FRMD1: variants seen among roughly 807,000 people sequenced by gnomAD.
FRMD1 encodes the protein FERM domain-containing protein 1.
A neutral mutation model predicts 54.9 loss-of-function variants in FRMD1; 51 were observed. The ratio of observed to expected loss-of-function variants is 0.93; its 90% CI spans 0.74 to 1.17. The LOEUF is 1.17. Among genes scored for constraint, FRMD1 ranks in the 50% most tolerant of loss-of-function variants. The probability of loss-of-function intolerance (pLI) is 0.00; values close to 1 mark genes in which losing one functional copy is unlikely to be tolerated. For synonymous variants in FRMD1, 324 were observed against 306.4 expected, an observed-to-expected ratio of 1.06 and a Z score of -0.60; for missense variants, 729 against 743.0, an observed-to-expected ratio of 0.98 and a Z score of 0.22.
At chr6:168,090,130 G>A (rs1401267582) in intron 1 of FRMD1, among the ~76,000 whole-genome samples, 2 of 151,948 alleles carry the variant, frequency 1.3e-5, no homozygotes, top group Non-Finnish European at 2.9e-5. Context: ...CCACCTCCAC[G>A]TCCACCACTG....
upstream of FRMD1, chr6:168,081,752 G>A (rs529987106): frequency 2.2e-4 from 96 of 434,062 alleles, no homozygotes; most frequent in African/African-American, 1.8e-3. Context: ...GAGACATCCA[G>A]CAAAGGCAGC....
chr6:168,074,501 G>A (rs1395584351), intron 2 of FRMD1, among the ~76,000 whole-genome samples: 4 of 149,798 alleles, frequency 2.7e-5, no homozygotes, highest in African/African-American at 7.3e-5. Context: ...TGTGACTGGT[G>A]TGTGCATGTG....
upstream of FRMD1, among the ~76,000 whole-genome samples, chr6:168,085,539 C>G (rs11755017): frequency 6.6e-6 from 1 of 152,190 alleles, no homozygotes; most frequent in Admixed American, 6.5e-5. Context: ...CTCCCCAGGA[C>G]GGGCCACTGG....
chr6:168,062,563 G>C, intron 7 of FRMD1: 2 of 1,162,920 alleles, frequency 1.7e-6, no homozygotes, highest in Middle Eastern at 2.0e-4. Context: ...GAGGCCGGCA[G>C]GAAGGGACCT....
chr6:168,063,067 C>G, intron 6 of FRMD1, 108 bp from the exon 7 acceptor site: 1 of 902,246 alleles, frequency 1.1e-6, no homozygotes, highest in South Asian at 1.4e-5. Context: ...ATGGACCAGG[C>G]TGAGCTCTGG....
intron 1 of FRMD1, among the ~76,000 whole-genome samples, chr6:168,090,953 G>A (rs374797600): frequency 2.0e-5 from 3 of 152,206 alleles, no homozygotes; most frequent in African/African-American, 7.2e-5. Flanking sequence ...CAGGCCATTT[G>A]CTGGAGACCT....
intron 1 of FRMD1, among the ~76,000 whole-genome samples, chr6:168,086,945 A>C (rs1800931563): frequency 6.6e-6 from 1 of 152,152 alleles, no homozygotes; most frequent in Non-Finnish European, 1.5e-5. Context: ...GGAGTGACCC[A>C]GCCGCCTCAG....
chr6:168,058,171 G>A (rs112490229), intron 10 of FRMD1, among the ~76,000 whole-genome samples: 3 of 90,512 alleles, frequency 3.3e-5, no homozygotes, highest in Non-Finnish European at 6.8e-5. Flanking sequence ...TCCAGCCTCC[G>A]GTGCCCAGCC....
At chr6:168,092,858 C>G (rs540426158) in intron 1 of FRMD1, 1 of 152,290 alleles carries the variant, frequency 6.6e-6, no homozygotes, top group Non-Finnish European at 1.5e-5. Flanking sequence ...ACAGAGGCAG[C>G]CTTGACCCTG....
upstream of FRMD1, chr6:168,081,220 G>A (rs532280608): frequency 4.4e-5 from 36 of 820,558 alleles, no homozygotes; most frequent in South Asian, 1.0e-3. Context: ...AAGGGTGGTC[G>A]CCATGAGTAC....
At chr6:168,077,139 A>C (rs1000534435) in intron 1 of FRMD1, among the ~76,000 whole-genome samples, 3 of 152,128 alleles carry the variant, frequency 2.0e-5, no homozygotes, top group Non-Finnish European at 2.9e-5. Context: ...TGCACACACC[A>C]ACAGAGGGTT....
chr6:168,055,651 T>G lies in FRMD1; in HGVS notation c.*1446A>C, dbSNP rs1283625541. ...GAGCCAGCACTAGGCGCACCTCCCC[T>G]GCCGCACAGGAATTGTGGGCAGTCT... is the stretch of plus-strand genomic sequence containing the variant. On this transcript the variant is annotated 3_prime_UTR_variant, in exon 11 of 11. Coordinates refer to ENST00000283309, the MANE Select transcript of FRMD1 (RefSeq NM_024919.6). 11 of 152,228 alleles carry G rather than the reference T, an allele frequency of 7.2e-5. No individual in the cohort carries two copies. Among genetic ancestry groups the G allele is most frequent in the Admixed American group, 7.2e-4 (11 of 15,290 alleles). 9.4% of individuals were successfully genotyped at this position (152,228 alleles called of 1,614,324 possible). A position where few individuals can be genotyped will look rare whatever the true frequency, so the allele number is the denominator to read the frequency against.
chr6:168,084,327 C>T (rs1470872791), upstream of FRMD1, among the ~76,000 whole-genome samples: 1 of 152,224 alleles, frequency 6.6e-6, no homozygotes, highest in East Asian at 1.9e-4. Context: ...TTTCTTAGCA[C>T]TGCGCGTGTC....
rs915887041 is a variant in FRMD1, at chr6:168,067,390, C to T, written c.361G>A (p.Asp121Asn). 4 of 1,605,152 alleles carry T rather than the reference C, an allele frequency of 2.5e-6. No homozygotes were observed. The highest frequency in any genetic ancestry group is 3.4e-6 in the Non-Finnish European group (4 of 1,175,840). The change falls in exon 3 of 11, where the codon GAT (aspartate) becomes AAT (asparagine). Residue 121 changes from aspartate to asparagine, a missense_variant. By Grantham distance (23) the Asp-to-Asn change is conservative. Coordinates refer to ENST00000283309, the MANE Select transcript of FRMD1 (RefSeq NM_024919.6). ...ACTTCATTTCTTTCTTTCTTCCAAT[C>T]TTTTGAGAAGTACTTGCTGAGCTTT... Reference protein sequence around the residue: ...EQKLSKYFSKDWKKERNEGNE... With the variant: ...EQKLSKYFSKNWKKERNEGNE...
intron 6 of FRMD1, 112 bp from the exon 7 acceptor site, chr6:168,063,071 G>A (rs1349769016): frequency 1.2e-6 from 1 of 848,838 alleles, no homozygotes; most frequent in Non-Finnish European, 2.0e-6. Flanking sequence ...ACCAGGCTGA[G>A]CTCTGGGGCC....
rs1799317309 is a variant in FRMD1 at position 168,053,113 on chromosome 6, G to A, written c.*3984C>T. 6.6e-6 allele frequency: 1 copy of A among 152,218 alleles called. No individual in the cohort carries two copies. The highest frequency in any genetic ancestry group is 2.1e-4 in the South Asian group (1 of 4,832). 9.4% of individuals were successfully genotyped at this position (152,218 alleles called of 1,614,324 possible). ...CACAATATTTGGTGACGGTTTTATT[G>A]GTGAGCTGCCTGTGATTAATAAACA... On this transcript the variant is annotated 3_prime_UTR_variant, in exon 11 of 11. Transcript: ENST00000283309.
chr6:168,056,296 C>T lies in FRMD1; in HGVS notation c.*801G>A, dbSNP rs144270609. ...CCCCACTCTCCGTCTGTCACCAAAG[C>T]TTCGCCCCTCCGCCAGCTGGGCTGC... On this transcript the variant is annotated 3_prime_UTR_variant, in exon 11 of 11. Transcript: ENST00000283309. The T allele has an allele frequency of 1.0e-3, 157 of 152,600 alleles. No individual in the cohort carries two copies. The highest frequency in any genetic ancestry group is 1.7e-3 in the Non-Finnish European group (114 of 68,224). The allele number at this position is 152,600 out of a possible 1,614,324, so 9.5% of individuals were successfully genotyped here.
upstream of FRMD1, chr6:168,079,290 G>C (rs1800760712): frequency 9.4e-7 from 1 of 1,059,942 alleles, no homozygotes; most frequent in Non-Finnish European, 1.3e-6. Flanking sequence ...TGGGTGTGTG[G>C]AGGGCGCCAG....
At chr6:168,079,274 A>T, upstream of FRMD1, 3 of 1,220,242 alleles carry the variant, frequency 2.5e-6, no homozygotes, top group Non-Finnish European at 3.3e-6. Context: ...CAGAGCTGCA[A>T]ATAGCTGGGT....
Sources: allele counts gnomAD v4.1 joint callset (sites outside exome capture counted in the v4.1 genomes callset), GRCh38; gene constraint gnomAD v4.1.1; transcripts MANE v1.5; gene names NCBI Gene and HGNC (gene_info 2026-07-23, HGNC 2026-07-21).